Variants in HMGXB4 observed in about 807,000 individuals in gnomAD.
HMGXB4 encodes the protein HMG-box containing 4, also known as HMG domain-containing protein 4.
HMGXB4 carries 27 observed loss-of-function variants against 63.9 expected under a neutral mutation model. That is an observed-to-expected ratio of 0.42 (90% confidence interval 0.31 to 0.58). The LOEUF is 0.58. Ranked by LOEUF, HMGXB4 falls within the 20% of genes least tolerant of loss-of-function variation. The probability of loss-of-function intolerance (pLI) is 0.13; values close to 1 mark genes in which losing one functional copy is unlikely to be tolerated. For missense variants in HMGXB4, 624 were observed against 700.7 expected (o/e 0.89, Z 1.24); for synonymous variants, 264 against 265.3 (o/e 0.99, Z 0.05).
intron 5 of HMGXB4, among the ~76,000 whole-genome samples, chr22:35,281,520 G>T (rs1924242772): frequency 6.6e-6 from 1 of 152,210 alleles, no homozygotes; most frequent in African/African-American, 2.4e-5. Flanking sequence ...GACAGCTATA[G>T]TTAGCCTTAT....
chr22:35,286,159 A>G, intron 7 of HMGXB4, 98 bp downstream of exon 7: 1 of 819,590 alleles, frequency 1.2e-6, no homozygotes, highest in East Asian at 2.5e-5. Flanking sequence ...CACTGAAAAT[A>G]GTGAAGAAAA....
At position 35,265,324 on chromosome 22, in the gene HMGXB4, T is replaced by G; in HGVS notation, c.936T>G (p.Ser312=). 1 of 1,613,876 alleles carries G rather than the reference T, an allele frequency of 6.2e-7. No individual in the cohort carries two copies. Among genetic ancestry groups the G allele is most frequent in the Non-Finnish European group, 8.5e-7 (1 of 1,179,972 alleles). Residue 312 remains serine (S), a synonymous_variant, in exon 5 of 11, where the codon TCT becomes TCG. Coordinates refer to ENST00000216106, the MANE Select transcript of HMGXB4 (RefSeq NM_001003681.3). The part of the protein sequence containing the change: ...LEAGELVIDD[S]YREIKKKKKS... ...CTGGGGAGTTAGTGATAGATGATTCTTACCGAGAAATCAAGAAGAAAAAGA... is the reference window on the plus strand; with the variant it reads ...CTGGGGAGTTAGTGATAGATGATTCGTACCGAGAAATCAAGAAGAAAAAGA...
At chr22:35,258,826 G>C (rs774744028) in intron 1 of HMGXB4, among the ~76,000 whole-genome samples, 10 of 152,168 alleles carry the variant, frequency 6.6e-5, no homozygotes, top group Non-Finnish European at 1.5e-4. Flanking sequence ...GCAGAATCTT[G>C]GACATGGCTC....
intron 5 of HMGXB4, among the ~76,000 whole-genome samples, chr22:35,272,138 C>T (rs1428649818): frequency 1.3e-5 from 2 of 152,030 alleles, no homozygotes; most frequent in African/African-American, 4.8e-5. Flanking sequence ...AACACTTATA[C>T]AGGGGCATTT....
At chr22:35,260,766 G>A (rs948121786) in intron 1 of HMGXB4, among the ~76,000 whole-genome samples, 1 of 152,014 alleles carries the variant, frequency 6.6e-6, no homozygotes, top group African/African-American at 2.4e-5. Context: ...ATCATTCTTG[G>A]TAATGCTTCA....
chr22:35,285,615 A>G (rs1218996274), intron 6 of HMGXB4, among the ~76,000 whole-genome samples: 2 of 152,162 alleles, frequency 1.3e-5, no homozygotes, highest in Non-Finnish European at 2.9e-5. Flanking sequence ...TGGTCCCGCT[A>G]CTTGGGAGGC....
At chr22:35,264,492 A>G (rs1923062103) in intron 4 of HMGXB4, among the ~76,000 whole-genome samples, 156 bp from the exon 5 acceptor site, 1 of 152,240 alleles carries the variant, frequency 6.6e-6, no homozygotes, top group Non-Finnish European at 1.5e-5. Flanking sequence ...GCACAAGGGC[A>G]TCATTTCTCA....
intron 5 of HMGXB4, among the ~76,000 whole-genome samples, chr22:35,267,524 C>G (rs778299158): frequency 3.9e-5 from 6 of 152,132 alleles, no homozygotes; most frequent in Non-Finnish European, 8.8e-5. Context: ...AGTAAAATAA[C>G]TATAACTGAA....
At chr22:35,258,324 A>G (rs1296661887) in intron 1 of HMGXB4, 1 of 152,172 alleles carries the variant, frequency 6.6e-6, no homozygotes, top group South Asian at 2.1e-4. Flanking sequence ...AAGCGGAGAA[A>G]CATCTCTGTC....
At chr22:35,242,011 G>A in the HMGXB4 span, among the ~76,000 whole-genome samples, 1 of 152,154 alleles carries the variant, frequency 6.6e-6, no homozygotes, top group Non-Finnish European at 1.5e-5. Context: ...ATATTAATCT[G>A]TAGATTCCTT....
rs1056373390 is a variant in HMGXB4, at chr22:35,264,859, G to A, written c.471G>A (p.Gly157=). ...GGAAGAAAGTCAGTGGAAGCAGTGG[G>A]GAACTACCCCTAGAGGATGGTGGCT... The part of the protein sequence containing the change: ...HHRKKVSGSS[G]ELPLEDGGSH... Residue 157 remains glycine (G), a synonymous_variant, in exon 5 of 11, where the codon GGG becomes GGA. Coordinates refer to ENST00000216106, the MANE Select transcript of HMGXB4 (RefSeq NM_001003681.3). 1.2e-6 allele frequency: 2 copies of A among 1,613,916 alleles called. No homozygotes were observed. Among genetic ancestry groups the A allele is most frequent in the Non-Finnish European group, 1.7e-6 (2 of 1,179,986 alleles).
At chr22:35,275,110 CTTTTTTTT>C (rs59290559) in intron 5 of HMGXB4, among the ~76,000 whole-genome samples, 45,410 of 102,862 alleles carry the variant, frequency 0.44, 8,873 homozygotes, top group Non-Finnish European at 0.55. Context: ...CACCAAATTT[CTTTTTTTT>C]TTTTTTTTTT....
At chr22:35,288,512 T>G in intron 9 of HMGXB4, 105 bp downstream of exon 9, 1 of 765,744 alleles carries the variant, frequency 1.3e-6, no homozygotes, top group Non-Finnish European at 1.9e-6. Context: ...ATCTACTTTA[T>G]GCTAAATTAT....
chr22:35,290,244 A>G (rs1164013750), intron 9 of HMGXB4, among the ~76,000 whole-genome samples: 1 of 152,336 alleles, frequency 6.6e-6, no homozygotes, highest in African/African-American at 2.4e-5. Context: ...TAGTTTAGTA[A>G]GTACAAAGTT....
intron 6 of HMGXB4, among the ~76,000 whole-genome samples, chr22:35,284,526 A>G (rs1233675095): frequency 1.3e-5 from 2 of 152,204 alleles, no homozygotes; most frequent in Non-Finnish European, 2.9e-5. Context: ...CCCACCTTAA[A>G]TGTGCTCAAG....
intron 6 of HMGXB4, among the ~76,000 whole-genome samples, chr22:35,285,203 T>A (rs1445750886): frequency 1.3e-5 from 2 of 152,100 alleles, no homozygotes; most frequent in Non-Finnish European, 2.9e-5. Context: ...CCCAGGAGTT[T>A]GAGAGCAGCT....
At chr22:35,244,521 T>C in the HMGXB4 span, among the ~76,000 whole-genome samples, 9 of 152,342 alleles carry the variant, frequency 5.9e-5, no homozygotes, top group South Asian at 4.1e-4. Flanking sequence ...AATAAATCAA[T>C]GAACTTTATG....
Position 35,265,600 on chromosome 22 carries a change from A to C in HMGXB4, c.1212A>C (p.Glu404Asp). 2 of 1,567,078 alleles carry C rather than the reference A, an allele frequency of 1.3e-6. No homozygotes were observed. The highest frequency in any genetic ancestry group is 1.7e-6 in the Non-Finnish European group (2 of 1,158,778). Residue 404 changes from glutamate to aspartate, a missense_variant, in exon 5 of 11, where the codon GAA (glutamate) becomes GAC (aspartate). Glu to Asp is a conservative substitution (Grantham distance 45). Coordinates refer to ENST00000216106, the MANE Select transcript of HMGXB4 (RefSeq NM_001003681.3). The part of the protein sequence containing the change: ...EEKDKERERG[E>D]KPKKKNMSAY... ...AGGACAAAGAGAGAGAGAGAGGAGA[A>C]AAGGTAAAGCATCTTTTAAGTGTGG...
intron 6 of HMGXB4, among the ~76,000 whole-genome samples, chr22:35,284,950 G>C (rs1466084125): frequency 6.6e-6 from 1 of 152,208 alleles, no homozygotes; most frequent in East Asian, 1.9e-4. Context: ...TACAATGGAA[G>C]GGTAAGATTA....
Sources: allele counts gnomAD v4.1 joint callset (sites outside exome capture counted in the v4.1 genomes callset), GRCh38; gene constraint gnomAD v4.1.1; transcripts MANE v1.5; gene names NCBI Gene and HGNC (gene_info 2026-07-23, HGNC 2026-07-21).